The following SLC16A7 variants were observed in gnomAD, a reference collection of about 807,000 sequenced individuals.
SLC16A7 encodes monocarboxylate transporter 2.
In SLC16A7, 33 loss-of-function variants were observed where a neutral mutation model predicts 34.9. The ratio of observed to expected loss-of-function variants is 0.94; its 90% CI spans 0.72 to 1.26. SLC16A7 has a LOEUF of 1.26. SLC16A7 is among the 50% of genes most tolerant of loss of function. The pLI is 0.00. For missense variants in SLC16A7, 573 were observed against 578.1 expected (o/e 0.99, Z 0.09); for synonymous variants, 201 against 206.6 (o/e 0.97, Z 0.23).
chr12:59,691,786 A>T (rs1871685397), intron 2 of SLC16A7, among the ~76,000 whole-genome samples: 1 of 152,012 alleles, frequency 6.6e-6, no homozygotes. Context: ...TTATGAATGT[A>T]CAATTTATAC....
At chr12:59,658,148 A>G (rs1868634473) in intron 2 of SLC16A7, among the ~76,000 whole-genome samples, 1 of 152,048 alleles carries the variant, frequency 6.6e-6, no homozygotes, top group Non-Finnish European at 1.5e-5. Context: ...AGAAACAGAT[A>G]TCAATAATCA....
intron 1 of SLC16A7, among the ~76,000 whole-genome samples, chr12:59,623,939 A>G (rs1403098528): frequency 6.6e-6 from 1 of 151,350 alleles, no homozygotes; most frequent in Non-Finnish European, 1.5e-5. Flanking sequence ...TAGGGTTTTG[A>G]GATTATTTTA....
intron 2 of SLC16A7, among the ~76,000 whole-genome samples, chr12:59,699,226 TATG>T (rs1397468180): frequency 4.6e-5 from 7 of 151,670 alleles, no homozygotes; most frequent in African/African-American, 1.4e-4. Context: ...GAAGTATAAA[TATG>T]ATGCCTAAAC....
At chr12:59,670,853 C>G (rs1869620253) in intron 2 of SLC16A7, among the ~76,000 whole-genome samples, 1 of 152,178 alleles carries the variant, frequency 6.6e-6, no homozygotes, top group African/African-American at 2.4e-5. Flanking sequence ...CTGCCCCCTC[C>G]ACCCTGGTTG....
chr12:59,604,218 G>A (rs1422480363), intron 1 of SLC16A7, among the ~76,000 whole-genome samples: 4 of 152,200 alleles, frequency 2.6e-5, no homozygotes, highest in Admixed American at 6.5e-5. Flanking sequence ...GATGTAACTT[G>A]TCAATATCTC....
chr12:59,716,882 A>G (rs2137186594), intron 3 of SLC16A7, among the ~76,000 whole-genome samples: 1 of 152,308 alleles, frequency 6.6e-6, no homozygotes, highest in Admixed American at 6.5e-5. Context: ...AGAATTATCT[A>G]TAAATCAAAA....
intron 2 of SLC16A7, among the ~76,000 whole-genome samples, chr12:59,660,790 T>A (rs572912320): frequency 1.5e-3 from 225 of 152,242 alleles, no homozygotes; most frequent in African/African-American, 5.3e-3. Flanking sequence ...TTATTTAAGA[T>A]GTAAATTTGT....
chr12:59,691,683 T>G (rs1234279897), intron 2 of SLC16A7, among the ~76,000 whole-genome samples: 1 of 152,052 alleles, frequency 6.6e-6, no homozygotes, highest in African/African-American at 2.4e-5. Flanking sequence ...ACATCTTACT[T>G]TTTTCATTTA....
At chr12:59,633,010 C>T (rs914988318) in intron 1 of SLC16A7, among the ~76,000 whole-genome samples, 4 of 151,928 alleles carry the variant, frequency 2.6e-5, no homozygotes, top group African/African-American at 7.2e-5. Flanking sequence ...TAATAATATA[C>T]CCGACTTCCA....
chr12:59,609,870 T>A (rs1232259517), intron 1 of SLC16A7, among the ~76,000 whole-genome samples: 1 of 152,150 alleles, frequency 6.6e-6, no homozygotes, highest in Non-Finnish European at 1.5e-5. Context: ...ACACTCAGAT[T>A]TTTGGAATGA....
chr12:59,686,975 G>T (rs1871209156), intron 2 of SLC16A7, among the ~76,000 whole-genome samples: 1 of 151,908 alleles, frequency 6.6e-6, no homozygotes, highest in African/African-American at 2.4e-5. Flanking sequence ...GAGGTGCTAT[G>T]TACGTTAAAT....
rs1447903121 is a variant in SLC16A7, at chr12:59,789,025, C to T, written c.*9346C>T. On this transcript the variant is annotated 3_prime_UTR_variant, in exon 6 of 6. Coordinates refer to ENST00000547379, the MANE Select transcript of SLC16A7 (RefSeq NM_001270623.2). ...TTTTCACTGCATAACAAATTTGAAA[C>T]CAAATGTTGAATTTCTCTGTGAGGG... The T allele has an allele frequency of 6.6e-6, 1 of 151,972 alleles. No homozygotes were observed. The highest frequency in any genetic ancestry group is 1.5e-5 in the Non-Finnish European group (1 of 67,912). 9.4% of individuals were successfully genotyped at this position (151,972 alleles called of 1,614,324 possible). A position where few individuals can be genotyped will look rare whatever the true frequency, so the allele number is the denominator to read the frequency against.
At chr12:59,775,703 A>C (rs1030536884) in intron 5 of SLC16A7, among the ~76,000 whole-genome samples, 4 of 152,186 alleles carry the variant, frequency 2.6e-5, no homozygotes, top group African/African-American at 9.6e-5. Context: ...AACTTATGTT[A>C]GACTGATAAT....
intron 3 of SLC16A7, among the ~76,000 whole-genome samples, chr12:59,736,712 C>A (rs1486828353): frequency 6.6e-6 from 1 of 152,174 alleles, no homozygotes; most frequent in African/African-American, 2.4e-5. Flanking sequence ...GAAATTAAGA[C>A]CTCATCTTAA....
At chr12:59,661,410 G>T (rs951431247) in intron 2 of SLC16A7, among the ~76,000 whole-genome samples, 15 of 152,066 alleles carry the variant, frequency 9.9e-5, no homozygotes, top group African/African-American at 3.6e-4. Context: ...ACTTTGAGCT[G>T]ACTGGCAGAA....
chr12:59,771,407 T>G (rs761767645), intron 4 of SLC16A7, 45 bp downstream of exon 4: 1 of 1,356,810 alleles, frequency 7.4e-7, no homozygotes, highest in Non-Finnish European at 9.9e-7. Flanking sequence ...TTCTGTTATT[T>G]TCAAAGCTCT....
intron 3 of SLC16A7, among the ~76,000 whole-genome samples, chr12:59,738,838 T>A (rs1877919493): frequency 6.6e-6 from 1 of 151,738 alleles, no homozygotes; most frequent in Non-Finnish European, 1.5e-5. Context: ...AGATTTTTTT[T>A]TTTTTAGTTT....
At chr12:59,694,273 T>G (rs781460439) in intron 2 of SLC16A7, among the ~76,000 whole-genome samples, 5 of 151,972 alleles carry the variant, frequency 3.3e-5, no homozygotes, top group Non-Finnish European at 7.4e-5. Context: ...GCCTTCTCAC[T>G]GGCTTAAGGA....
chr12:59,604,228 C>T (rs1878826436), intron 1 of SLC16A7, among the ~76,000 whole-genome samples: 1 of 152,168 alleles, frequency 6.6e-6, no homozygotes, highest in South Asian at 2.1e-4. Context: ...GTCAATATCT[C>T]TTCAGGTGTC....
Sources: gnomAD v4.1 joint callset for allele counts (sites outside exome capture counted in the v4.1 genomes callset) on GRCh38, gnomAD v4.1.1 for gene constraint, MANE v1.5 for transcripts, NCBI Gene and HGNC (gene_info 2026-07-23, HGNC 2026-07-21) for gene names.